The following MNDA variants were observed in gnomAD, a reference collection of about 807,000 sequenced individuals.
MNDA encodes epididymis secretory sperm binding protein.
A neutral mutation model predicts 37.8 loss-of-function variants in MNDA; 43 were observed. The ratio of observed to expected loss-of-function variants is 1.14; its 90% CI spans 0.89 to 1.47. The LOEUF (loss-of-function observed/expected upper bound fraction) is 1.47. Ranked by LOEUF, MNDA falls within the 40% of genes most tolerant of loss-of-function variation. The pLI is 0.00. For missense variants in MNDA, 536 were observed against 476.0 expected (o/e 1.13, Z -1.17); for synonymous variants, 181 against 169.0 (o/e 1.07, Z -0.55).
At chr1:158,836,782 T>C (rs1405839531) in intron 1 of MNDA, among the ~76,000 whole-genome samples, 2 of 151,968 alleles carry the variant, frequency 1.3e-5, no homozygotes, top group East Asian at 3.9e-4. Flanking sequence ...TCTACTTTTT[T>C]AAGTTCCTTA....
intron 1 of MNDA, among the ~76,000 whole-genome samples, chr1:158,840,613 G>A (rs566073456): frequency 1.1e-4 from 17 of 151,984 alleles, no homozygotes; most frequent in South Asian, 2.1e-4. Flanking sequence ...CCCCCAAACC[G>A]CACAAATCTT....
chr1:158,846,795 T>A (rs1659143185), intron 5 of MNDA, among the ~76,000 whole-genome samples: 1 of 152,172 alleles, frequency 6.6e-6, no homozygotes. Flanking sequence ...TACATACATG[T>A]CTTTCAATAT....
At chr1:158,843,518 T>C in intron 3 of MNDA, 103 bp downstream of exon 3, 1 of 1,212,242 alleles carries the variant, frequency 8.2e-7, no homozygotes, top group Non-Finnish European at 1.1e-6. Context: ...ATTTACCAAA[T>C]TAGTAATTAT....
intron 5 of MNDA, among the ~76,000 whole-genome samples, 190 bp downstream of exon 5, chr1:158,846,193 G>A (rs1483635585): frequency 6.6e-6 from 1 of 152,108 alleles, no homozygotes; most frequent in Non-Finnish European, 1.5e-5. Context: ...AATAAATGTA[G>A]GGACTTTGAA....
At chr1:158,848,179 C>G (rs778348245) in intron 6 of MNDA, among the ~76,000 whole-genome samples, 14 of 152,140 alleles carry the variant, frequency 9.2e-5, no homozygotes, top group Non-Finnish European at 1.6e-4. Flanking sequence ...GGCTCAAGAG[C>G]AAGGGTTCTG....
At chr1:158,845,419 T>C (rs1046327214) in intron 4 of MNDA, among the ~76,000 whole-genome samples, 168 bp from the exon 5 acceptor site, 1 of 152,066 alleles carries the variant, frequency 6.6e-6, no homozygotes, top group Non-Finnish European at 1.5e-5. Flanking sequence ...TTTTGTATTT[T>C]TAGTAGAGAT....
intron 4 of MNDA, among the ~76,000 whole-genome samples, 172 bp from the exon 5 acceptor site, chr1:158,845,415 A>G (rs1659113130): frequency 6.6e-6 from 1 of 151,590 alleles, no homozygotes; most frequent in African/African-American, 2.4e-5. Context: ...TTTTTTTTGT[A>G]TTTTTAGTAG....
chr1:158,843,153 A>G, intron 2 of MNDA, 126 bp from the exon 3 acceptor site: 1 of 1,210,316 alleles, frequency 8.3e-7, no homozygotes, highest in Non-Finnish European at 1.1e-6. Context: ...AATGCAGTAG[A>G]GGTAACAGGC....
At chr1:158,835,977 C>T (rs997835884) in intron 1 of MNDA, among the ~76,000 whole-genome samples, 1 of 150,754 alleles carries the variant, frequency 6.6e-6, no homozygotes, top group Non-Finnish European at 1.5e-5. Context: ...TGTATTTTTC[C>T]TCATCTTTCA....
chr1:158,842,452 C>T (rs1357556080), intron 2 of MNDA, 34 bp downstream of exon 2: 1 of 1,575,922 alleles, frequency 6.3e-7, no homozygotes, highest in South Asian at 1.2e-5. Context: ...AGCTACTCTG[C>T]CTTGAGTCTC....
chr1:158,847,254 G>A (rs1044732821), intron 5 of MNDA, among the ~76,000 whole-genome samples: 15 of 151,986 alleles, frequency 9.9e-5, no homozygotes, highest in South Asian at 2.1e-4. Flanking sequence ...AGAATTCACC[G>A]CCATATAATT....
intron 1 of MNDA, among the ~76,000 whole-genome samples, chr1:158,834,660 G>T (rs1658872841): frequency 6.6e-6 from 1 of 151,994 alleles, no homozygotes; most frequent in Non-Finnish European, 1.5e-5. Flanking sequence ...TGTTGTTGTT[G>T]CCTGTGCCAT....
At chr1:158,846,073 T>C in intron 5 of MNDA, 70 bp downstream of exon 5, 1 of 1,368,832 alleles carries the variant, frequency 7.3e-7, no homozygotes, top group Admixed American at 2.2e-5. Flanking sequence ...TTGCCAGACT[T>C]ACTGTCTGAA....
chr1:158,840,561 T>C (rs1659011892), intron 1 of MNDA, among the ~76,000 whole-genome samples: 1 of 152,152 alleles, frequency 6.6e-6, no homozygotes, highest in South Asian at 2.1e-4. Context: ...GCAAGATGAT[T>C]TTGCTACCAC....
chr1:158,842,435 T>C lies in MNDA; in HGVS notation c.265+17T>C, dbSNP rs749635113. On this transcript the variant is annotated intron_variant, in intron 2 of 6. Transcript: ENST00000368141. ...AGTCAAAAGGTAATAGAGAAAACCT[T>C]GCACATAGCTACTCTGCCTTGAGTC... 41 of 1,598,340 alleles carry C rather than the reference T, an allele frequency of 2.6e-5. No individual in the cohort carries two copies. The highest frequency in any genetic ancestry group is 2.6e-6 in the Non-Finnish European group (3 of 1,173,184).
chr1:158,842,558 C>G, intron 2 of MNDA, 140 bp downstream of exon 2: 1 of 811,982 alleles, frequency 1.2e-6, no homozygotes, highest in Non-Finnish European at 2.0e-6. Flanking sequence ...ACCTCAGAGA[C>G]TGACCAGTTG....
chr1:158,844,033 C>T lies in MNDA; in HGVS notation c.481C>T (p.Pro161Ser), dbSNP rs751897233. 5 of 1,613,710 alleles carry T rather than the reference C, an allele frequency of 3.1e-6. No homozygotes were observed. The highest frequency in any genetic ancestry group is 2.5e-6 in the Non-Finnish European group (3 of 1,179,872). ...CCAAGAGCAGAGTAAGCCCCCAGGT[C>T]CCTCAGGAGCCAGCACATCTGCAGC... ...VSQEQSKPPG[P>S]SGASTSAAVD... The change falls in exon 4 of 7, where the codon CCC (proline) becomes TCC (serine). Residue 161 changes from proline (P) to serine (S), a missense_variant. Physicochemically the swap from Pro to Ser is moderately conservative, Grantham distance 74. Coordinates refer to ENST00000368141, the MANE Select transcript of MNDA (RefSeq NM_002432.3).
chr1:158,839,154 T>C (rs1658981405), intron 1 of MNDA, among the ~76,000 whole-genome samples: 1 of 152,164 alleles, frequency 6.6e-6, no homozygotes, highest in Non-Finnish European at 1.5e-5. Context: ...GTATACCTTT[T>C]GTTGAAAACT....
intron 1 of MNDA, among the ~76,000 whole-genome samples, chr1:158,833,690 C>T (rs895198763): frequency 2.6e-5 from 4 of 152,034 alleles, no homozygotes; most frequent in Non-Finnish European, 5.9e-5. Flanking sequence ...GAATAATATT[C>T]CATTTCATGT....
Sources: allele counts gnomAD v4.1 joint callset (sites outside exome capture counted in the v4.1 genomes callset), GRCh38; gene constraint gnomAD v4.1.1; transcripts MANE v1.5; gene names NCBI Gene and HGNC (gene_info 2026-07-23, HGNC 2026-07-21).